Variants in KLF8 observed in about 807,000 individuals in gnomAD.
KLF8 encodes the protein Krueppel-like factor 8.
In KLF8, 10 loss-of-function variants were observed where a neutral mutation model predicts 18.2. The ratio of observed to expected loss-of-function variants is 0.55; its 90% CI spans 0.34 to 0.93. The LOEUF (loss-of-function observed/expected upper bound fraction) is 0.93, where lower values mean the gene tolerates loss of function less well. Ranked by LOEUF, KLF8 falls within the 40% of genes least tolerant of loss-of-function variation. The pLI, the probability that KLF8 is intolerant of heterozygous loss-of-function variation, is 0.02. For missense variants in KLF8, 264 were observed against 277.9 expected (o/e 0.95, Z 0.36); for synonymous variants, 109 against 97.3 (o/e 1.12, Z -0.71).
At chrX:56,158,565 T>G in the KLF8 span, among the ~76,000 whole-genome samples, 1 of 111,723 alleles carries the variant, frequency 9.0e-6, no homozygotes, top group African/African-American at 3.3e-5. Context: ...TTTTATTTCC[T>G]TGAGCAGTGG....
rs752449551 is a variant in KLF8 at position 56,287,435 on chromosome X, T to C, written c.*2941T>C. On this transcript the variant is annotated 3_prime_UTR_variant, in exon 6 of 6. Transcript: ENST00000468660. ...AGTGAGGTGGAAAGGAACTAAAATG[T>C]ATCTCTCTTGAATAGCATTTGGGGT... 7.7e-4 allele frequency: 86 copies of C among 112,218 alleles called. No homozygotes were observed. Among genetic ancestry groups the C allele is most frequent in the African/African-American group, 2.6e-3 (80 of 30,945 alleles). 9.2% of individuals were successfully genotyped at this position (112,218 alleles called of 1,213,427 possible). A position where few individuals can be genotyped will look rare whatever the true frequency, so the allele number is the denominator to read the frequency against.
chrX:56,002,383 C>G, the KLF8 span, among the ~76,000 whole-genome samples: 1 of 107,262 alleles, frequency 9.3e-6, no homozygotes, highest in African/African-American at 3.4e-5. Flanking sequence ...TCATTTGTAG[C>G]ACACAGAAAA....
At chrX:56,210,990 G>A in the KLF8 span, among the ~76,000 whole-genome samples, 1 of 110,564 alleles carries the variant, frequency 9.0e-6, no homozygotes, top group Non-Finnish European at 1.9e-5. Flanking sequence ...CAGCTATTTT[G>A]AATTCTCTGT....
At chrX:56,173,554 T>C in the KLF8 span, among the ~76,000 whole-genome samples, 3 of 112,081 alleles carry the variant, frequency 2.7e-5, no homozygotes, top group Non-Finnish European at 5.6e-5. Flanking sequence ...CTTTGTTCTT[T>C]TGGCTCAAGA....
chrX:56,036,345 G>A, the KLF8 span, among the ~76,000 whole-genome samples: 1 of 111,435 alleles, frequency 9.0e-6, no homozygotes, highest in Non-Finnish European at 1.9e-5. Flanking sequence ...CATTTTCAGT[G>A]GACTTTTGTA....
At chrX:55,990,990 A>G in the KLF8 span, among the ~76,000 whole-genome samples, 1 of 112,315 alleles carries the variant, frequency 8.9e-6, no homozygotes, top group African/African-American at 3.2e-5. Flanking sequence ...TCAGATCTCC[A>G]GCTGCATGCT....
At chrX:56,254,479 G>T (rs2066762086) in intron 2 of KLF8, among the ~76,000 whole-genome samples, 1 of 112,162 alleles carries the variant, frequency 8.9e-6, no homozygotes, top group Non-Finnish European at 1.9e-5. Flanking sequence ...GCTGTTTGCA[G>T]ATGGCTTAAG....
At chrX:56,054,048 T>C in the KLF8 span, among the ~76,000 whole-genome samples, 1 of 111,553 alleles carries the variant, frequency 9.0e-6, no homozygotes, top group Non-Finnish European at 1.9e-5. Context: ...CCTTTGGGGT[T>C]GGCTTTTTCT....
At chrX:56,195,700 G>A in the KLF8 span, among the ~76,000 whole-genome samples, 1 of 111,721 alleles carries the variant, frequency 9.0e-6, no homozygotes, top group Non-Finnish European at 1.9e-5. Context: ...TAGCAAGGCA[G>A]GCCAACATTC....
the KLF8 span, among the ~76,000 whole-genome samples, chrX:56,201,869 T>C: frequency 8.9e-6 from 1 of 111,899 alleles, no homozygotes; most frequent in Non-Finnish European, 1.9e-5. Flanking sequence ...AACAAATTCT[T>C]GTTTTCCTGG....
the KLF8 span, among the ~76,000 whole-genome samples, chrX:55,970,122 T>TA: frequency 1.2e-4 from 13 of 110,775 alleles, no homozygotes; most frequent in African/African-American, 3.9e-4. Flanking sequence ...AAAAACACAT[T>TA]AAAAAAACTC....
At chrX:55,990,771 A>T in the KLF8 span, among the ~76,000 whole-genome samples, 5 of 112,015 alleles carry the variant, frequency 4.5e-5, no homozygotes, top group Non-Finnish European at 9.4e-5. Context: ...TCCACTCCAG[A>T]CCCTCTTTGC....
chrX:56,071,583 T>G, the KLF8 span, among the ~76,000 whole-genome samples: 1 of 111,930 alleles, frequency 8.9e-6, no homozygotes, highest in South Asian at 3.7e-4. Context: ...TGTGCAGGAT[T>G]TTTAATAATC....
At chrX:56,042,151 G>A in the KLF8 span, among the ~76,000 whole-genome samples, 1 of 112,087 alleles carries the variant, frequency 8.9e-6, no homozygotes, top group Non-Finnish European at 1.9e-5. Flanking sequence ...AGTCATTCAG[G>A]AGCAGGTTGT....
At chrX:56,199,511 A>T in the KLF8 span, among the ~76,000 whole-genome samples, 1 of 112,324 alleles carries the variant, frequency 8.9e-6, no homozygotes, top group South Asian at 3.7e-4. Context: ...GCCTTCAGAG[A>T]TGTGTAAATC....
At chrX:56,172,074 G>A in the KLF8 span, among the ~76,000 whole-genome samples, 1 of 110,374 alleles carries the variant, frequency 9.1e-6, no homozygotes, top group Non-Finnish European at 1.9e-5. Flanking sequence ...TCTAACTGGT[G>A]TGAGATGATA....
At chrX:56,106,797 T>C in the KLF8 span, among the ~76,000 whole-genome samples, 2 of 112,444 alleles carry the variant, frequency 1.8e-5, no homozygotes, top group Non-Finnish European at 3.8e-5. Context: ...AAAGGTGCTC[T>C]GATTTTTAGA....
chrX:55,932,465 G>A, the KLF8 span, among the ~76,000 whole-genome samples: 14 of 111,412 alleles, frequency 1.3e-4, no homozygotes, highest in Non-Finnish European at 2.4e-4. Context: ...TCATAGTATC[G>A]ATGGTCTTTA....
the KLF8 span, among the ~76,000 whole-genome samples, chrX:56,220,934 C>T: frequency 3.6e-5 from 4 of 112,466 alleles, no homozygotes; most frequent in Non-Finnish European, 7.5e-5. Context: ...TTATACAATT[C>T]TCATGTTTTT....
Sources: gnomAD v4.1 joint callset for allele counts (sites outside exome capture counted in the v4.1 genomes callset) on GRCh38, gnomAD v4.1.1 for gene constraint, MANE v1.5 for transcripts, NCBI Gene and HGNC (gene_info 2026-07-23, HGNC 2026-07-21) for gene names.